The following CRYBG1 variants were observed in gnomAD, a reference collection of about 807,000 sequenced individuals.
The protein encoded by CRYBG1 is beta/gamma crystallin domain-containing protein 1.
A neutral mutation model predicts 189.2 loss-of-function variants in CRYBG1; 139 were observed. That is an observed-to-expected ratio of 0.73 (90% CI 0.64 to 0.85). The LOEUF (loss-of-function observed/expected upper bound fraction) is 0.85, where lower values mean the gene tolerates loss of function less well. CRYBG1 is among the 40% of genes least tolerant of loss of function. The pLI, the probability that CRYBG1 is intolerant of heterozygous loss-of-function variation, is 0.00. For synonymous variants in CRYBG1, 1,023 were observed against 1,017.1 expected, an observed-to-expected ratio of 1.01 and a Z score of -0.11; for missense variants, 2,611 against 2,675.8, an observed-to-expected ratio of 0.98 and a Z score of 0.53.
intron 2 of CRYBG1, among the ~76,000 whole-genome samples, chr6:106,453,000 T>C (rs1386606548): frequency 6.6e-6 from 1 of 152,220 alleles, no homozygotes. Context: ...CCAAAAGACA[T>C]TTGCTTTAGT....
intron 2 of CRYBG1, among the ~76,000 whole-genome samples, chr6:106,496,506 T>G (rs538834125): frequency 4.1e-5 from 6 of 145,806 alleles, no homozygotes; most frequent in South Asian, 2.1e-4. Context: ...TGAAACAATT[T>G]GCCAATTTTT....
intron 1 of CRYBG1, among the ~76,000 whole-genome samples, chr6:106,362,633 T>C (rs542426503): frequency 6.6e-6 from 1 of 152,262 alleles, no homozygotes; most frequent in African/African-American, 2.4e-5. Context: ...TGTGAGTGGG[T>C]AAGGGTAGGA....
At chr6:106,371,171 G>C (rs983673002) in intron 1 of CRYBG1, among the ~76,000 whole-genome samples, 1 of 152,220 alleles carries the variant, frequency 6.6e-6, no homozygotes, top group Non-Finnish European at 1.5e-5. Context: ...TGCTGGTGCT[G>C]TGACACGTAA....
At chr6:106,523,008 A>T (rs1773645839) in intron 4 of CRYBG1, among the ~76,000 whole-genome samples, 3 of 152,198 alleles carry the variant, frequency 2.0e-5, no homozygotes. Flanking sequence ...TATTATAAAT[A>T]ATTGCTGAGA....
chr6:106,484,129 C>T (rs758225416), intron 2 of CRYBG1, among the ~76,000 whole-genome samples: 8 of 152,116 alleles, frequency 5.3e-5, no homozygotes, highest in Non-Finnish European at 1.2e-4. Context: ...GTTCTTGTCA[C>T]CTTTATTGAG....
intron 7 of CRYBG1, among the ~76,000 whole-genome samples, chr6:106,528,728 C>T (rs1054083897): frequency 6.6e-6 from 1 of 152,096 alleles, no homozygotes; most frequent in East Asian, 1.9e-4. Context: ...TAATAGCAGA[C>T]TTACTGTAGC....
chr6:106,423,115 T>G (rs1318096657), intron 1 of CRYBG1, among the ~76,000 whole-genome samples: 2 of 152,200 alleles, frequency 1.3e-5, no homozygotes, highest in East Asian at 3.8e-4. Flanking sequence ...TACCTTTTAA[T>G]GAATGATCCC....
intron 2 of CRYBG1, among the ~76,000 whole-genome samples, chr6:106,505,336 T>C (rs1318225777): frequency 6.6e-6 from 1 of 152,134 alleles, no homozygotes; most frequent in Non-Finnish European, 1.5e-5. Context: ...CCTCAGGATC[T>C]GCCCACCTTG....
At chr6:106,384,999 C>T (rs1770357170) in intron 1 of CRYBG1, among the ~76,000 whole-genome samples, 1 of 152,106 alleles carries the variant, frequency 6.6e-6, no homozygotes, top group Admixed American at 6.6e-5. Flanking sequence ...ACTTTATCTG[C>T]CGACTTGAAC....
intron 1 of CRYBG1, among the ~76,000 whole-genome samples, chr6:106,389,409 A>T (rs1249689092): frequency 6.6e-6 from 1 of 152,124 alleles, no homozygotes; most frequent in East Asian, 1.9e-4. Flanking sequence ...ATTATGAGTG[A>T]AACTAGTTTT....
At position 106,512,177 on chromosome 6, in the gene CRYBG1, A is replaced by T. The variant is rs1442408682; in HGVS notation, c.1060A>T (p.Thr354Ser). 3 of 1,534,888 alleles carry T rather than the reference A, an allele frequency of 2.0e-6. No individual in the cohort carries two copies. The highest frequency in any genetic ancestry group is 2.6e-6 in the Non-Finnish European group (3 of 1,146,146). The change falls in exon 3 of 22, where the codon ACG (threonine) becomes TCG (serine). Residue 354 changes from threonine (T) to serine (S), a missense_variant. By Grantham distance (58) the Thr-to-Ser change is moderately conservative. Transcript: ENST00000633556. ...GEPPAEGAAH[T>S]ASSAQADCTA... Reference sequence around the variant, plus strand: ...GCCTCCGGCCGAGGGCGCAGCGCACACGGCCAGCTCCGCGCAGGCAGACTG... The same window carrying T: ...GCCTCCGGCCGAGGGCGCAGCGCACTCGGCCAGCTCCGCGCAGGCAGACTG...
At chr6:106,463,931 C>T (rs749778243) in intron 2 of CRYBG1, among the ~76,000 whole-genome samples, 18 of 152,046 alleles carry the variant, frequency 1.2e-4, no homozygotes, top group Non-Finnish European at 2.4e-4. Context: ...TTATCAGTTA[C>T]CAGTAGATAT....
At chr6:106,548,696 G>GT (rs1774320161) in intron 13 of CRYBG1, among the ~76,000 whole-genome samples, 2 of 149,608 alleles carry the variant, frequency 1.3e-5, no homozygotes, top group South Asian at 2.2e-4. Flanking sequence ...ATTGTTCGTT[G>GT]TTTTTTTAAA....
chr6:106,486,283 T>TCTA (rs1772590897), intron 2 of CRYBG1, among the ~76,000 whole-genome samples: 1 of 152,092 alleles, frequency 6.6e-6, no homozygotes, highest in Non-Finnish European at 1.5e-5. Flanking sequence ...TTTTTCTTCT[T>TCTA]AATTTCTAGT....
At chr6:106,454,349 C>T (rs548509530) in intron 2 of CRYBG1, among the ~76,000 whole-genome samples, 2 of 152,268 alleles carry the variant, frequency 1.3e-5, no homozygotes, top group African/African-American at 4.8e-5. Flanking sequence ...AAGTGCAAGA[C>T]CCCACCTACC....
At chr6:106,513,178 T>C in intron 3 of CRYBG1, 139 bp downstream of exon 3, 2 of 1,068,182 alleles carry the variant, frequency 1.9e-6, no homozygotes, top group Non-Finnish European at 2.6e-6. Context: ...CTTAAGATAG[T>C]GAAGGGCCAG....
intron 15 of CRYBG1, among the ~76,000 whole-genome samples, chr6:106,552,824 C>G (rs1774438972): frequency 6.6e-6 from 1 of 152,098 alleles, no homozygotes; most frequent in Non-Finnish European, 1.5e-5. Flanking sequence ...ATTAATATTT[C>G]AAACAATAGC....
chr6:106,460,435 C>T (rs1422476807), intron 2 of CRYBG1, among the ~76,000 whole-genome samples: 1 of 152,082 alleles, frequency 6.6e-6, no homozygotes, highest in African/African-American at 2.4e-5. Flanking sequence ...GTATTCAGAG[C>T]TGATCAAAAT....
At chr6:106,474,460 A>G (rs2114471476) in intron 2 of CRYBG1, among the ~76,000 whole-genome samples, 1 of 152,336 alleles carries the variant, frequency 6.6e-6, no homozygotes, top group South Asian at 2.1e-4. Context: ...AACTTCTTTT[A>G]AAGGCTTAAT....
Sources: allele counts gnomAD v4.1 joint callset (sites outside exome capture counted in the v4.1 genomes callset), GRCh38; gene constraint gnomAD v4.1.1; transcripts MANE v1.5; gene names NCBI Gene and HGNC (gene_info 2026-07-23, HGNC 2026-07-21).